The following GRIN2B variants were observed in gnomAD, a reference collection of about 807,000 sequenced individuals.
The protein encoded by GRIN2B is glutamate ionotropic receptor NMDA type subunit 2B, also known as glutamate receptor ionotropic, NMDA 2B.
A neutral mutation model predicts 114.5 loss-of-function variants in GRIN2B; 5 were observed. The ratio of observed to expected loss-of-function variants is 0.04; its 90% confidence interval spans 0.02 to 0.09. The LOEUF is 0.09. GRIN2B is among the 10% of genes least tolerant of loss of function. The probability of loss-of-function intolerance (pLI) is 1.00; values close to 1 mark genes in which losing one functional copy is unlikely to be tolerated. For missense variants in GRIN2B, 1,108 were observed against 1,943.5 expected, an observed-to-expected ratio of 0.57 and a Z score of 8.08; for synonymous variants, 787 against 745.1, an observed-to-expected ratio of 1.06 and a Z score of -0.92.
intron 2 of GRIN2B, among the ~76,000 whole-genome samples, chr12:13,920,131 G>A (rs765796862): frequency 7.9e-5 from 12 of 151,926 alleles, no homozygotes; most frequent in Non-Finnish European, 1.2e-4. Context: ...GGGTGTGGTG[G>A]CTTACACCTG....
At chr12:13,766,423 CA>C (rs1863790085) in intron 3 of GRIN2B, among the ~76,000 whole-genome samples, 1 of 152,172 alleles carries the variant, frequency 6.6e-6, no homozygotes, top group East Asian at 1.9e-4. Context: ...GCAAAGTAAA[CA>C]TCCATGTGCA....
At chr12:13,698,455 A>T (rs933896757) in intron 4 of GRIN2B, among the ~76,000 whole-genome samples, 4 of 152,244 alleles carry the variant, frequency 2.6e-5, no homozygotes, top group Admixed American at 6.5e-5. Context: ...GTGTCTGAAT[A>T]AACAAAATAT....
rs780128559 is a variant in GRIN2B at position 13,563,867 on chromosome 12, C to G, written c.3371G>C (p.Arg1124Thr). ...PRSPDHKRYF[R>T]DKEGLRDFYL... is the part of the protein sequence containing the mutation. ...GAAGTCCCGTAGCCCTTCCTTGTCC[C>G]TGAAGTAGCGCTTGTGGTCAGGGGA... Residue 1124 changes from arginine (R) to threonine (T), a missense_variant, in exon 14 of 14, where the codon AGG (arginine) becomes ACG (threonine). Around this residue, in one of 19 missense-constraint regions of GRIN2B, gnomAD observed 478 missense variants for 506.0 expected, o/e 0.94. Transcript: ENST00000609686. 6.2e-7 allele frequency: 1 copy of G among 1,614,154 alleles called. No homozygotes were observed. The highest frequency in any genetic ancestry group is 8.5e-7 in the Non-Finnish European group (1 of 1,180,042).
At chr12:13,611,465 C>T (rs917469624) in intron 9 of GRIN2B, among the ~76,000 whole-genome samples, 1 of 152,164 alleles carries the variant, frequency 6.6e-6, no homozygotes, top group Non-Finnish European at 1.5e-5. Context: ...CCATATCTAC[C>T]AATAGTTTTT....
chr12:13,784,180 C>T (rs12299830), intron 3 of GRIN2B, among the ~76,000 whole-genome samples: 29,174 of 130,050 alleles, frequency 0.22, 3,183 homozygotes, highest in Middle Eastern at 0.38. Flanking sequence ...GCCAAGATCG[C>T]GCCACTGCAC....
chr12:13,789,075 G>GT (rs11400953), intron 3 of GRIN2B, among the ~76,000 whole-genome samples: 77,225 of 151,694 alleles, frequency 0.51, 20,282 homozygotes, highest in Middle Eastern at 0.64. Flanking sequence ...CCTGGTTGTT[G>GT]TTTTTTTTCC....
At chr12:13,836,350 G>A (rs1302369995) in intron 3 of GRIN2B, among the ~76,000 whole-genome samples, 3 of 152,170 alleles carry the variant, frequency 2.0e-5, no homozygotes, top group Non-Finnish European at 4.4e-5. Context: ...CACTGGTTAG[G>A]AATTCTGGCC....
intron 9 of GRIN2B, 78 bp from the exon 10 acceptor site, chr12:13,608,910 A>T (rs1359163483): frequency 9.8e-7 from 1 of 1,022,390 alleles, no homozygotes; most frequent in African/African-American, 1.6e-5. Context: ...ACACAGGGTG[A>T]GTCCCTGCTC....
At chr12:13,846,875 G>A (rs1865481538) in intron 3 of GRIN2B, among the ~76,000 whole-genome samples, 2 of 151,750 alleles carry the variant, frequency 1.3e-5, no homozygotes, top group Non-Finnish European at 2.9e-5. Flanking sequence ...TAGGAACATT[G>A]GTAAAAATAA....
Position 13,552,692 on chromosome 12 carries a change from G to A in GRIN2B, c.*10091C>T, listed in dbSNP as rs916030114. The A allele has an allele frequency of 3.9e-5, 6 of 152,068 alleles. No individual in the cohort carries two copies. The highest frequency in any genetic ancestry group is 1.4e-4 in the African/African-American group (6 of 41,394). The allele number at this position is 152,068 out of a possible 1,614,324, so 9.4% of individuals were successfully genotyped here. On this transcript the variant is annotated 3_prime_UTR_variant, in exon 14 of 14. Transcript: ENST00000609686. ...AAAAGTCTCATAGTATAATGAAATG[G>A]GTTTTGCTCTAAAATATTAACTATT...
intron 3 of GRIN2B, among the ~76,000 whole-genome samples, chr12:13,855,915 T>C (rs930344141): frequency 2.0e-5 from 3 of 152,210 alleles, no homozygotes; most frequent in African/African-American, 7.2e-5. Flanking sequence ...GCTGTCACTA[T>C]GCACCTGACA....
intron 3 of GRIN2B, among the ~76,000 whole-genome samples, chr12:13,810,668 C>A (rs1403559512): frequency 6.6e-6 from 1 of 152,148 alleles, no homozygotes; most frequent in Admixed American, 6.5e-5. Flanking sequence ...TGTCTATATC[C>A]CACTCCAAAC....
At chr12:13,600,467 T>C (rs1327463525) in intron 10 of GRIN2B, among the ~76,000 whole-genome samples, 1 of 151,940 alleles carries the variant, frequency 6.6e-6, no homozygotes, top group Non-Finnish European at 1.5e-5. Flanking sequence ...GGTACCTTTA[T>C]GTAGTCTTGG....
chr12:13,705,940 G>A (rs1416160105), intron 4 of GRIN2B, among the ~76,000 whole-genome samples: 1 of 152,140 alleles, frequency 6.6e-6, no homozygotes, highest in Non-Finnish European at 1.5e-5. Flanking sequence ...CATGCCCACA[G>A]TAGACAACAC....
chr12:13,563,074 G>A lies in GRIN2B; in HGVS notation c.4164C>T (p.Ile1388=). Residue 1388 remains isoleucine, a synonymous_variant, in exon 14 of 14, where the codon ATC becomes ATT. Transcript: ENST00000609686. The part of the protein sequence containing the change: ...YPDRVTQNPF[I]PTFGDDQCLL... ...AGCACTGGTCGTCCCCAAAAGTGGG[G>A]ATGAAAGGGTTTTGCGTGACCCGGT... is the stretch of plus-strand genomic sequence containing the variant. 1 of 1,614,226 alleles carries A rather than the reference G, an allele frequency of 6.2e-7. No individual in the cohort carries two copies. The highest frequency in any genetic ancestry group is 8.5e-7 in the Non-Finnish European group (1 of 1,180,042).
chr12:13,656,401 A>G (rs191523832), intron 5 of GRIN2B, among the ~76,000 whole-genome samples: 4 of 152,344 alleles, frequency 2.6e-5, no homozygotes, highest in Non-Finnish European at 2.9e-5. Context: ...GCACGTAACC[A>G]TGACACACCA....
chr12:13,819,021 C>A (rs1457940870), intron 3 of GRIN2B, among the ~76,000 whole-genome samples: 1 of 152,176 alleles, frequency 6.6e-6, no homozygotes, highest in African/African-American at 2.4e-5. Context: ...GAAGGCCTAA[C>A]CACTAGGACC....
chr12:13,563,689 C>A lies in GRIN2B; in HGVS notation c.3549G>T (p.Thr1183=). The A allele has an allele frequency of 1.2e-6, 2 of 1,613,504 alleles. No individual in the cohort carries two copies. The highest frequency in any genetic ancestry group is 1.7e-6 in the Non-Finnish European group (2 of 1,179,980). Residue 1183 remains threonine, a synonymous_variant, in exon 14 of 14, where the codon ACG becomes ACT. Coordinates refer to ENST00000609686, the MANE Select transcript of GRIN2B (RefSeq NM_000834.5). ...CTNRSHIKHG[T]GDKHGVVSGV... is the part of the protein sequence containing the mutation. ...CGCTGACCACGCCGTGTTTGTCGCC[C>A]GTCCCGTGCTTGATGTGAGACCTGT...
intron 4 of GRIN2B, among the ~76,000 whole-genome samples, chr12:13,729,053 G>A (rs1182955915): frequency 1.3e-5 from 2 of 152,148 alleles, no homozygotes; most frequent in African/African-American, 2.4e-5. Context: ...CTCACTTACG[G>A]TATTGTGTCT....
Sources: allele counts gnomAD v4.1 joint callset (sites outside exome capture counted in the v4.1 genomes callset), GRCh38; gene constraint gnomAD v4.1.1; regional missense constraint gnomAD v4.1.1; transcripts MANE v1.5; gene names NCBI Gene and HGNC (gene_info 2026-07-23, HGNC 2026-07-21).